The following LINGO2 variants were observed in gnomAD, a reference collection of about 807,000 sequenced individuals.
The protein encoded by LINGO2 is leucine rich repeat and Ig domain containing 2, also known as leucine-rich repeat and immunoglobulin-like domain-containing nogo receptor-interacting protein 2.
A neutral mutation model predicts 30.6 loss-of-function variants in LINGO2; 14 were observed. That is an observed-to-expected ratio of 0.46 (90% CI 0.30 to 0.72). The LOEUF (loss-of-function observed/expected upper bound fraction) is 0.72, where lower values mean the gene tolerates loss of function less well. Ranked by LOEUF, LINGO2 falls within the 30% of genes least tolerant of loss-of-function variation. The pLI is 0.07. For synonymous variants in LINGO2, 317 were observed against 288.5 expected (o/e 1.10, Z -1.00); for missense variants, 729 against 751.7 (o/e 0.97, Z 0.35).
chr9:28,510,231 T>A (rs1325787033), intron 1 of LINGO2, among the ~76,000 whole-genome samples: 1 of 152,224 alleles, frequency 6.6e-6, no homozygotes, highest in Non-Finnish European at 1.5e-5. Flanking sequence ...CAACTCCTCA[T>A]GCAATTGAAA....
chr9:27,976,407 T>A (rs1466893714), intron 5 of LINGO2, among the ~76,000 whole-genome samples: 1 of 152,074 alleles, frequency 6.6e-6, no homozygotes, highest in African/African-American at 2.4e-5. Flanking sequence ...TGGGAGAAAG[T>A]GTCCCTCCAT....
chr9:28,875,189 G>A, the LINGO2 span, among the ~76,000 whole-genome samples: 1 of 151,946 alleles, frequency 6.6e-6, no homozygotes, highest in Non-Finnish European at 1.5e-5. Context: ...CAAATCTACT[G>A]AAAATATTTT....
At chr9:28,350,062 C>A (rs1269293683) in intron 3 of LINGO2, among the ~76,000 whole-genome samples, 3 of 151,572 alleles carry the variant, frequency 2.0e-5, no homozygotes, top group Admixed American at 6.6e-5. Flanking sequence ...AATGTAAAGA[C>A]CATTGAGACT....
intron 4 of LINGO2, among the ~76,000 whole-genome samples, chr9:28,283,350 T>G (rs1481978725): frequency 6.6e-6 from 1 of 152,192 alleles, no homozygotes; most frequent in African/African-American, 2.4e-5. Context: ...AACACTTGTT[T>G]AGAATCAGGC....
At chr9:28,819,687 T>C in the LINGO2 span, among the ~76,000 whole-genome samples, 1 of 152,144 alleles carries the variant, frequency 6.6e-6, no homozygotes, top group Admixed American at 6.5e-5. Context: ...TTTGTATCAC[T>C]ATTACCTAAT....
At chr9:28,343,026 C>T (rs1443100153) in intron 3 of LINGO2, among the ~76,000 whole-genome samples, 2 of 152,128 alleles carry the variant, frequency 1.3e-5, no homozygotes, top group Non-Finnish European at 2.9e-5. Flanking sequence ...TTGGTTTAAA[C>T]ATCTGCTCTA....
chr9:28,793,398 ATCTG>A, the LINGO2 span, among the ~76,000 whole-genome samples: 4 of 152,150 alleles, frequency 2.6e-5, no homozygotes, highest in Non-Finnish European at 5.9e-5. Context: ...AGTCTGCGCA[ATCTG>A]TCTCTCAGTC....
the LINGO2 span, among the ~76,000 whole-genome samples, chr9:29,018,463 G>A: frequency 6.6e-6 from 1 of 151,874 alleles, no homozygotes; most frequent in African/African-American, 2.4e-5. Flanking sequence ...AATACAATTT[G>A]AAATTATAAA....
chr9:28,591,302 G>A (rs1824896712), intron 1 of LINGO2, among the ~76,000 whole-genome samples: 1 of 151,902 alleles, frequency 6.6e-6, no homozygotes, highest in Non-Finnish European at 1.5e-5. Context: ...AAAACTTAAA[G>A]TATAATAAAA....
intron 4 of LINGO2, among the ~76,000 whole-genome samples, chr9:28,085,611 G>C (rs927763492): frequency 6.6e-5 from 10 of 152,062 alleles, no homozygotes; most frequent in Non-Finnish European, 1.3e-4. Flanking sequence ...GCCATTCTCA[G>C]ACCTCACTGG....
intron 3 of LINGO2, among the ~76,000 whole-genome samples, chr9:28,317,025 T>C (rs1381461993): frequency 6.6e-6 from 1 of 152,212 alleles, no homozygotes; most frequent in East Asian, 1.9e-4. Flanking sequence ...TATCCTTATG[T>C]TGAAGAGGTT....
the LINGO2 span, among the ~76,000 whole-genome samples, chr9:28,992,627 C>T: frequency 6.6e-6 from 1 of 152,072 alleles, no homozygotes; most frequent in Non-Finnish European, 1.5e-5. Flanking sequence ...AAGCTCTCCT[C>T]AGCAAATGTA....
the LINGO2 span, among the ~76,000 whole-genome samples, chr9:28,736,905 A>G: frequency 0.013 from 1,940 of 152,264 alleles, 47 homozygotes; most frequent in African/African-American, 0.043. Flanking sequence ...TTCTGTGCTT[A>G]TGATGTTCCA....
At chr9:28,872,397 A>G in the LINGO2 span, among the ~76,000 whole-genome samples, 1 of 152,092 alleles carries the variant, frequency 6.6e-6, no homozygotes, top group Non-Finnish European at 1.5e-5. Context: ...AACAGGAAAG[A>G]TAAGATTCAC....
At chr9:29,200,673 A>G in the LINGO2 span, among the ~76,000 whole-genome samples, 1 of 152,128 alleles carries the variant, frequency 6.6e-6, no homozygotes, top group African/African-American at 2.4e-5. Context: ...TCATGAACAA[A>G]CAAAAGTTAC....
chr9:29,066,616 T>C, the LINGO2 span, among the ~76,000 whole-genome samples: 47 of 151,994 alleles, frequency 3.1e-4, no homozygotes, highest in Non-Finnish European at 6.0e-4. Context: ...TCCCTATATG[T>C]AACAAACCAA....
chr9:28,156,691 A>AATCCTCATCAAACTAACAC (rs1564007339), intron 4 of LINGO2, among the ~76,000 whole-genome samples: 1 of 152,224 alleles, frequency 6.6e-6, no homozygotes, highest in Non-Finnish European at 1.5e-5. Flanking sequence ...GTAAAATCAA[A>AATCCTCATCAAACTAACAC]AGCAAGTTAG....
At chr9:28,004,893 C>CAGA (rs1822184570) in intron 5 of LINGO2, among the ~76,000 whole-genome samples, 1 of 152,100 alleles carries the variant, frequency 6.6e-6, no homozygotes, top group Admixed American at 6.6e-5. Context: ...GAGTTCCTTC[C>CAGA]AGAAATGGGT....
the LINGO2 span, among the ~76,000 whole-genome samples, chr9:28,855,922 C>T: frequency 2.0e-5 from 3 of 152,048 alleles, no homozygotes; most frequent in South Asian, 4.1e-4. Flanking sequence ...TCTAGCTGGA[C>T]TGGACAGTAG....
Sources: gnomAD v4.1 joint callset for allele counts (sites outside exome capture counted in the v4.1 genomes callset) on GRCh38, gnomAD v4.1.1 for gene constraint, MANE v1.5 for transcripts, NCBI Gene and HGNC (gene_info 2026-07-23, HGNC 2026-07-21) for gene names.